The following THSD7B variants were observed in gnomAD, a reference collection of about 807,000 sequenced individuals.
THSD7B encodes the protein thrombospondin type 1 domain containing 7B.
A neutral mutation model predicts 213.6 loss-of-function variants in THSD7B; 138 were observed. That is an observed-to-expected ratio of 0.65 (90% CI 0.56 to 0.74). The LOEUF is 0.74. Among genes scored for constraint, THSD7B ranks in the 30% least tolerant of loss-of-function variants. The pLI, the probability that THSD7B is intolerant of heterozygous loss-of-function variation, is 0.00. For missense variants in THSD7B, 1,931 were observed against 1,991.5 expected (o/e 0.97, Z 0.58); for synonymous variants, 742 against 687.0 (o/e 1.08, Z -1.25).
chr2:137,611,021 T>A (rs866964233), intron 17 of THSD7B, among the ~76,000 whole-genome samples: 1 of 119,298 alleles, frequency 8.4e-6, no homozygotes, highest in African/African-American at 3.7e-5. Context: ...AAAAATAAAA[T>A]AAAAAATAAA....
At position 136,852,121 on chromosome 2, in the gene THSD7B, G is replaced by T. The variant is rs545792360; in HGVS notation, c.-35-30023G>T. 9.2e-5 allele frequency among the ~76,000 whole-genome samples: 14 copies of T among 152,110 alleles called. 1 individual carries two copies. In the South Asian group the frequency reaches 2.9e-3, roughly 32 times the overall value. Reference sequence around the variant, plus strand: ...AATCTAATCAGATGAGCCCTTAAAGGCAGAGAACTTTCTCTGGCTCAAAGT... The same window carrying T: ...AATCTAATCAGATGAGCCCTTAAAGTCAGAGAACTTTCTCTGGCTCAAAGT... On this transcript the variant is annotated intron_variant, in intron 1 of 27. Transcript: ENST00000409968.
At chr2:136,814,768 T>A (rs1682443638) in intron 1 of THSD7B, among the ~76,000 whole-genome samples, 1 of 152,168 alleles carries the variant, frequency 6.6e-6, no homozygotes, top group South Asian at 2.1e-4. Context: ...TTGTCTTCCA[T>A]CAGCTTATAT....
intron 5 of THSD7B, among the ~76,000 whole-genome samples, chr2:137,150,670 A>G (rs76714535): frequency 0.03 from 4,501 of 152,248 alleles, 109 homozygotes; most frequent in African/African-American, 0.068. Flanking sequence ...CTTCACAGGA[A>G]CATGGGAATG....
At chr2:137,109,353 AC>A (rs896295755) in intron 4 of THSD7B, among the ~76,000 whole-genome samples, 1 of 152,216 alleles carries the variant, frequency 6.6e-6, no homozygotes, top group Non-Finnish European at 1.5e-5. Flanking sequence ...GGTACCAGTG[AC>A]CAGTTTTGTG....
chr2:137,589,716 T>G (rs980468137), intron 17 of THSD7B, among the ~76,000 whole-genome samples: 2 of 152,212 alleles, frequency 1.3e-5, no homozygotes, highest in Admixed American at 1.3e-4. Context: ...TAGATAAGCC[T>G]TTTTTCTAAT....
intron 3 of THSD7B, among the ~76,000 whole-genome samples, chr2:137,057,519 A>T (rs370855807): frequency 6.6e-6 from 1 of 152,346 alleles, no homozygotes; most frequent in East Asian, 1.9e-4. Context: ...GTATAAAAAT[A>T]GATCTGCCAT....
chr2:137,065,885 A>G (rs916994345), intron 3 of THSD7B, among the ~76,000 whole-genome samples: 1 of 152,088 alleles, frequency 6.6e-6, no homozygotes, highest in Admixed American at 6.6e-5. Context: ...TCACATATAT[A>G]TAACCTATAA....
chr2:137,330,715 G>A (rs958418606), intron 12 of THSD7B, among the ~76,000 whole-genome samples: 3 of 152,094 alleles, frequency 2.0e-5, no homozygotes, highest in Admixed American at 1.3e-4. Context: ...CATAAAAGCA[G>A]TGTGGACCCA....
chr2:137,234,305 A>G (rs1488392625), intron 9 of THSD7B, among the ~76,000 whole-genome samples: 1 of 152,188 alleles, frequency 6.6e-6, no homozygotes, highest in African/African-American at 2.4e-5. Flanking sequence ...CTCATGGGCA[A>G]TGGAAACACT....
chr2:137,546,067 A>T (rs1239518932), intron 15 of THSD7B, among the ~76,000 whole-genome samples: 1 of 151,260 alleles, frequency 6.6e-6, no homozygotes, highest in Non-Finnish European at 1.5e-5. Flanking sequence ...TGGATTCAGA[A>T]ATGAGAGGAT....
rs1207285089 is a variant in THSD7B at position 137,102,254 on chromosome 2, GA to G, written c.1199+7135del. ...GGAGATACCCAGGCAAACAGAGCCT[GA>G]AGTGGACCTCCAGCAGACTCCAGCA... On this transcript the variant is annotated intron_variant, in intron 4 of 27. Coordinates refer to ENST00000409968, the MANE Select transcript of THSD7B (RefSeq NM_001316349.2). Among the ~76,000 whole-genome samples, 518 of 152,348 alleles carry G rather than the reference GA, an allele frequency of 3.4e-3. 3 individuals carry two copies. Among genetic ancestry groups the G allele is most frequent in the African/African-American group, 0.011 (439 of 41,582 alleles).
chr2:137,467,064 A>G (rs912230281), intron 15 of THSD7B, among the ~76,000 whole-genome samples: 1 of 152,142 alleles, frequency 6.6e-6, no homozygotes, highest in Non-Finnish European at 1.5e-5. Flanking sequence ...CTCATGCCTC[A>G]CTGACTGAAG....
At chr2:136,976,354 G>A (rs1461000341) in intron 2 of THSD7B, among the ~76,000 whole-genome samples, 3 of 152,062 alleles carry the variant, frequency 2.0e-5, no homozygotes, top group African/African-American at 4.8e-5. Flanking sequence ...TCAATACTTC[G>A]TTTATTAAAC....
chr2:137,616,450 C>T, intron 18 of THSD7B, 134 bp downstream of exon 18: 1 of 698,234 alleles, frequency 1.4e-6, no homozygotes, highest in South Asian at 2.4e-5. Flanking sequence ...AGCCTGAGGA[C>T]TTCATGTTTC....
intron 1 of THSD7B, among the ~76,000 whole-genome samples, chr2:136,792,661 G>A (rs1048537295): frequency 1.3e-5 from 2 of 151,822 alleles, no homozygotes; most frequent in African/African-American, 2.4e-5. Flanking sequence ...ACCTAAAACT[G>A]CTCTAAAAAA....
chr2:136,939,388 A>G (rs371550716), intron 2 of THSD7B, among the ~76,000 whole-genome samples: 49 of 152,300 alleles, frequency 3.2e-4, no homozygotes, highest in African/African-American at 1.1e-3. Flanking sequence ...AAATGCTAAC[A>G]TGTTTCATGC....
chr2:137,025,236 A>G (rs1686525855), intron 2 of THSD7B, among the ~76,000 whole-genome samples: 1 of 152,144 alleles, frequency 6.6e-6, no homozygotes, highest in Non-Finnish European at 1.5e-5. Context: ...TTAAAAGCAT[A>G]AAATTGGTCT....
At chr2:137,628,090 C>T (rs1021359885) in intron 20 of THSD7B, among the ~76,000 whole-genome samples, 1 of 152,172 alleles carries the variant, frequency 6.6e-6, no homozygotes, top group Non-Finnish European at 1.5e-5. Flanking sequence ...TATTTGAAGA[C>T]ACCTGGCATA....
At chr2:137,209,822 G>A (rs1204526599) in intron 7 of THSD7B, among the ~76,000 whole-genome samples, 1 of 152,052 alleles carries the variant, frequency 6.6e-6, no homozygotes, top group African/African-American at 2.4e-5. Context: ...AAATTCATAT[G>A]GTGAAGTCCT....
Sources: allele counts gnomAD v4.1 joint callset (sites outside exome capture counted in the v4.1 genomes callset), GRCh38; gene constraint gnomAD v4.1.1; transcripts MANE v1.5; gene names NCBI Gene and HGNC (gene_info 2026-07-23, HGNC 2026-07-21).